CCNY: variants seen among roughly 807,000 people sequenced by gnomAD.
CCNY encodes cyclin-Y.
Under a neutral mutation model 42.8 loss-of-function variants are expected in CCNY, and 19 were observed. The ratio of observed to expected loss-of-function variants is 0.44; its 90% CI spans 0.31 to 0.65. The LOEUF (loss-of-function observed/expected upper bound fraction) is 0.65, where lower values mean the gene tolerates loss of function less well. CCNY is among the 30% of genes least tolerant of loss of function. CCNY has a pLI of 0.07. For missense variants in CCNY, 370 were observed against 437.3 expected (o/e 0.85, Z 1.37); for synonymous variants, 165 against 162.7 (o/e 1.01, Z -0.11).
At chr10:35,378,515 C>T (rs545858105) in intron 1 of CCNY, among the ~76,000 whole-genome samples, 54 of 151,852 alleles carry the variant, frequency 3.6e-4, no homozygotes, top group Non-Finnish European at 6.0e-4. Flanking sequence ...CCGGAGCCCT[C>T]GGTGGTTGCT....
chr10:35,255,325 CTT>C (rs71033387), intron 3 of CCNY, among the ~76,000 whole-genome samples: 3 of 140,470 alleles, frequency 2.1e-5, no homozygotes, highest in Admixed American at 7.2e-5. Context: ...TAATTTTTTT[CTT>C]TTTTTTTTTT....
intron 1 of CCNY, among the ~76,000 whole-genome samples, chr10:35,460,932 A>C (rs1024048396): frequency 4.6e-5 from 7 of 151,012 alleles, no homozygotes; most frequent in Non-Finnish European, 1.0e-4. Context: ...AGGAACTTGT[A>C]TGTGGAGGTT....
intron 1 of CCNY, among the ~76,000 whole-genome samples, chr10:35,352,895 C>T (rs1836458994): frequency 6.6e-6 from 1 of 152,154 alleles, no homozygotes; most frequent in African/African-American, 2.4e-5. Flanking sequence ...CTGAAAGATC[C>T]AGGCTGGACT....
intron 1 of CCNY, among the ~76,000 whole-genome samples, chr10:35,346,771 C>T (rs756663130): frequency 7.9e-5 from 12 of 152,110 alleles, no homozygotes; most frequent in Non-Finnish European, 1.5e-4. Flanking sequence ...GGACTATAGT[C>T]GTGTGCCACC....
rs184018963 is a variant in CCNY at position 35,299,977 on chromosome 10, A to T, written c.-9+49351A>T. ...TCTTCAGTTTATCAGTGTACCTTCA[A>T]ATAATATGATGCCACTCCTACAATC... On this transcript the variant is annotated intron_variant, in intron 3 of 11. Coordinates refer to the CCNY transcript ENST00000374706. 4.2e-4 allele frequency among the ~76,000 whole-genome samples: 64 copies of T among 152,316 alleles called. No individual in the cohort carries two copies. In the East Asian group the frequency reaches 9.5e-3, roughly 22 times the overall value.
intron 1 of CCNY, among the ~76,000 whole-genome samples, chr10:35,417,054 A>G (rs1038252419): frequency 1.3e-5 from 2 of 152,214 alleles, no homozygotes; most frequent in Non-Finnish European, 2.9e-5. Flanking sequence ...GCAGTAACAC[A>G]GAGTCGAGAG....
intron 2 of CCNY, among the ~76,000 whole-genome samples, chr10:35,498,580 A>G (rs56131266): frequency 3.0e-4 from 45 of 152,308 alleles, no homozygotes; most frequent in Non-Finnish European, 5.7e-4. Flanking sequence ...GAGTTAGCCC[A>G]GAGAGGGTAA....
At chr10:35,250,086 G>A (rs2095710818) in intron 2 of CCNY, among the ~76,000 whole-genome samples, 1 of 151,794 alleles carries the variant, frequency 6.6e-6, no homozygotes. Flanking sequence ...CCCAGCTGCT[G>A]GGGAGGCTGA....
At chr10:35,378,226 C>T (rs377206846) in intron 1 of CCNY, among the ~76,000 whole-genome samples, 22 of 152,244 alleles carry the variant, frequency 1.4e-4, no homozygotes, top group African/African-American at 4.6e-4. Context: ...AATATTGACT[C>T]ATTTCATTAT....
intron 1 of CCNY, among the ~76,000 whole-genome samples, chr10:35,435,286 T>G (rs193175970): frequency 4.9e-4 from 75 of 152,348 alleles, no homozygotes; most frequent in Middle Eastern, 3.4e-3. Flanking sequence ...AGTTTCCTTG[T>G]CTGTGAGATA....
At chr10:35,371,722 T>C (rs569576638) in intron 1 of CCNY, among the ~76,000 whole-genome samples, 6 of 152,224 alleles carry the variant, frequency 3.9e-5, no homozygotes, top group Middle Eastern at 6.8e-3. Flanking sequence ...CTGGGCCATG[T>C]GGCACTTGTG....
chr10:35,484,076 T>C (rs1017167018), intron 2 of CCNY, among the ~76,000 whole-genome samples: 1 of 152,178 alleles, frequency 6.6e-6, no homozygotes, highest in Non-Finnish European at 1.5e-5. Context: ...CCCTGGGCAT[T>C]GGCTGCAGAG....
At position 35,310,036 on chromosome 10, in the gene CCNY, C is replaced by T. The variant is rs897499593; in HGVS notation, c.-9+59410C>T. On this transcript the variant is annotated intron_variant, in intron 3 of 11. Coordinates refer to the CCNY transcript ENST00000374706. ...AGGATGGTCTCGATCTCCTGACCTT[C>T]TGATCCGCCCGCCTCAGCCTCCCAA... is the stretch of plus-strand genomic sequence containing the variant. Among the ~76,000 whole-genome samples the T allele has an allele frequency of 5.9e-5, 9 of 151,736 alleles. 1 individual carries two copies. Among genetic ancestry groups the T allele is most frequent in the Admixed American group, 5.3e-4 (8 of 15,218 alleles).
intron 1 of CCNY, among the ~76,000 whole-genome samples, chr10:35,437,052 C>T (rs958039531): frequency 3.9e-5 from 6 of 152,134 alleles, no homozygotes; most frequent in Admixed American, 6.5e-5. Flanking sequence ...AAATGTCAAA[C>T]GCTTATAAAA....
intron 1 of CCNY, among the ~76,000 whole-genome samples, chr10:35,371,390 T>A (rs1836934038): frequency 6.6e-6 from 1 of 152,238 alleles, no homozygotes; most frequent in Non-Finnish European, 1.5e-5. Flanking sequence ...TTCCTTGCCT[T>A]TATCTCTTTG....
chr10:35,309,901 C>T (rs1049637291), intron 3 of CCNY, among the ~76,000 whole-genome samples: 2 of 152,176 alleles, frequency 1.3e-5, no homozygotes, highest in Middle Eastern at 3.4e-3. Context: ...CCCAGGTTCA[C>T]GCCATTCTCC....
At chr10:35,275,220 T>G (rs995010832) in intron 3 of CCNY, among the ~76,000 whole-genome samples, 1 of 151,788 alleles carries the variant, frequency 6.6e-6, no homozygotes, top group Non-Finnish European at 1.5e-5. Context: ...CCCGCCATCA[T>G]GCTCGGCTAA....
chr10:35,479,434 T>G (rs1839606821), intron 1 of CCNY, among the ~76,000 whole-genome samples: 1 of 137,612 alleles, frequency 7.3e-6, no homozygotes, highest in Non-Finnish European at 1.6e-5. Flanking sequence ...CCATAAAAAA[T>G]GATGAGTTCA....
At chr10:35,511,245 A>G (rs1176607581) in intron 3 of CCNY, among the ~76,000 whole-genome samples, 1 of 152,150 alleles carries the variant, frequency 6.6e-6, no homozygotes, top group African/African-American at 2.4e-5. Context: ...GCTGTTCTTC[A>G]TTTGCTGATT....
Sources: allele counts gnomAD v4.1 joint callset (sites outside exome capture counted in the v4.1 genomes callset), GRCh38; gene constraint gnomAD v4.1.1; transcripts MANE v1.5; gene names NCBI Gene and HGNC (gene_info 2026-07-23, HGNC 2026-07-21).